Variants in LUZP2 observed in about 807,000 individuals in gnomAD.
LUZP2 encodes leucine zipper protein 2.
Under a neutral mutation model 51.6 loss-of-function variants are expected in LUZP2, and 52 were observed. The observed-to-expected ratio is 1.01, with a 90% CI of 0.81 to 1.27. The LOEUF (loss-of-function observed/expected upper bound fraction) is 1.27, where lower values mean the gene tolerates loss of function less well. Ranked by LOEUF, LUZP2 falls within the 50% of genes most tolerant of loss-of-function variation. The pLI is 0.00. For missense variants in LUZP2, 436 were observed against 395.4 expected, an observed-to-expected ratio of 1.10 and a Z score of -0.87; for synonymous variants, 154 against 137.3, an observed-to-expected ratio of 1.12 and a Z score of -0.85.
chr11:25,000,048 A>ATCCATTTTACAGAGTGCTGATGATTGG (rs1856635309), intron 9 of LUZP2, among the ~76,000 whole-genome samples: 2 of 150,794 alleles, frequency 1.3e-5, no homozygotes, highest in Non-Finnish European at 3.0e-5. Flanking sequence ...GCACTGATTG[A>ATCCATTTTACAGAGTGCTGATGATTGG]TCCATTTTAC....
chr11:24,970,358 T>C (rs949367141), intron 7 of LUZP2, among the ~76,000 whole-genome samples: 1 of 152,214 alleles, frequency 6.6e-6, no homozygotes, highest in East Asian at 1.9e-4. Flanking sequence ...ACTTTTAATG[T>C]GAAATTGTCT....
intron 1 of LUZP2, among the ~76,000 whole-genome samples, chr11:24,607,594 T>C (rs1346666362): frequency 6.6e-6 from 1 of 152,004 alleles, no homozygotes; most frequent in African/African-American, 2.4e-5. Context: ...TCGACTGTTA[T>C]TCTTGTTAAA....
intron 1 of LUZP2, among the ~76,000 whole-genome samples, chr11:24,664,564 C>A (rs568103555): frequency 6.6e-6 from 1 of 152,052 alleles, no homozygotes; most frequent in Non-Finnish European, 1.5e-5. Flanking sequence ...GGTCTAAGGC[C>A]TAGGAGGGCA....
At chr11:24,791,556 T>G (rs1473094369) in intron 5 of LUZP2, among the ~76,000 whole-genome samples, 4 of 152,138 alleles carry the variant, frequency 2.6e-5, no homozygotes, top group African/African-American at 9.7e-5. Flanking sequence ...CTTTTTTTCT[T>G]TTTTTGAATA....
At chr11:24,515,015 T>C (rs1040517214) in intron 1 of LUZP2, among the ~76,000 whole-genome samples, 19 of 152,188 alleles carry the variant, frequency 1.2e-4, no homozygotes, top group African/African-American at 4.6e-4. Flanking sequence ...CATTGAAACC[T>C]CTGCTGATTT....
chr11:24,694,338 C>T (rs931991748), intron 1 of LUZP2, among the ~76,000 whole-genome samples: 7 of 152,078 alleles, frequency 4.6e-5, no homozygotes, highest in Non-Finnish European at 1.0e-4. Context: ...TTCTTCACCT[C>T]CTTTGGCCTT....
chr11:24,790,456 G>C (rs1322995912), intron 5 of LUZP2, among the ~76,000 whole-genome samples: 1 of 151,770 alleles, frequency 6.6e-6, no homozygotes, highest in East Asian at 1.9e-4. Context: ...GTATTTTCCT[G>C]TTTATCTCAC....
chr11:24,772,531 A>C (rs10834483), intron 5 of LUZP2, among the ~76,000 whole-genome samples: 12,222 of 152,188 alleles, frequency 0.08, 1,069 homozygotes, highest in African/African-American at 0.22. Context: ...TTATTTGCCT[A>C]TCTTAAGTGA....
intron 9 of LUZP2, among the ~76,000 whole-genome samples, chr11:24,984,524 T>TATATATATA: frequency 1.1e-5 from 1 of 90,052 alleles, no homozygotes; most frequent in African/African-American, 4.1e-5. Context: ...ATTACATATT[T>TATATATATA]TATATATATA....
intron 5 of LUZP2, among the ~76,000 whole-genome samples, chr11:24,844,842 T>G (rs1470531549): frequency 6.6e-6 from 1 of 152,146 alleles, no homozygotes; most frequent in Non-Finnish European, 1.5e-5. Context: ...AACCTGCAAG[T>G]GCACAAAAGT....
intron 9 of LUZP2, among the ~76,000 whole-genome samples, chr11:24,985,970 G>A (rs1377529871): frequency 6.6e-6 from 1 of 151,692 alleles, no homozygotes; most frequent in East Asian, 1.9e-4. Context: ...ACATGAGTAT[G>A]GTTTTGTGTG....
At chr11:24,709,662 T>C (rs531587479) in intron 1 of LUZP2, among the ~76,000 whole-genome samples, 2 of 152,184 alleles carry the variant, frequency 1.3e-5, no homozygotes, top group Non-Finnish European at 2.9e-5. Flanking sequence ...GCTAATGGGA[T>C]CTCAATAAAT....
intron 10 of LUZP2, among the ~76,000 whole-genome samples, chr11:25,054,784 T>G (rs933604388): frequency 1.3e-5 from 2 of 152,026 alleles, no homozygotes; most frequent in African/African-American, 4.8e-5. Context: ...ACATGAGATG[T>G]TTTTATACAG....
intron 7 of LUZP2, among the ~76,000 whole-genome samples, chr11:24,941,812 C>T (rs1364023136): frequency 6.6e-6 from 1 of 151,872 alleles, no homozygotes; most frequent in Non-Finnish European, 1.5e-5. Context: ...TTCAGTTGGA[C>T]AATTTATTGA....
At chr11:24,606,204 T>C (rs1259555041) in intron 1 of LUZP2, among the ~76,000 whole-genome samples, 4 of 151,854 alleles carry the variant, frequency 2.6e-5, no homozygotes, top group Non-Finnish European at 4.4e-5. Flanking sequence ...CTCTAACTTA[T>C]AGTGGTTCAA....
chr11:24,511,950 T>C (rs1850324102), intron 1 of LUZP2, among the ~76,000 whole-genome samples: 1 of 151,936 alleles, frequency 6.6e-6, no homozygotes, highest in East Asian at 1.9e-4. Context: ...ATATTTATGT[T>C]TGGATCTTAT....
chr11:24,821,397 T>G (rs1282989209), intron 5 of LUZP2, among the ~76,000 whole-genome samples: 2 of 152,178 alleles, frequency 1.3e-5, no homozygotes, highest in African/African-American at 4.8e-5. Flanking sequence ...AATCAGTTAG[T>G]CAATAGCATT....
chr11:25,009,264 C>T (rs184755722), intron 9 of LUZP2, among the ~76,000 whole-genome samples: 12 of 152,168 alleles, frequency 7.9e-5, no homozygotes, highest in Non-Finnish European at 1.3e-4. Flanking sequence ...AAGTGAGATA[C>T]GTACTTTAAA....
intron 1 of LUZP2, among the ~76,000 whole-genome samples, chr11:24,598,459 A>G (rs1853518218): frequency 6.6e-6 from 1 of 152,144 alleles, no homozygotes; most frequent in Non-Finnish European, 1.5e-5. Flanking sequence ...GAGGGCTTCT[A>G]TAGAAGCTGC....
Sources: allele counts gnomAD v4.1 joint callset (sites outside exome capture counted in the v4.1 genomes callset), GRCh38; gene constraint gnomAD v4.1.1; transcripts MANE v1.5; gene names NCBI Gene and HGNC (gene_info 2026-07-23, HGNC 2026-07-21).